Variants in VPS41 observed in about 807,000 individuals in gnomAD.
The protein encoded by VPS41 is vacuolar protein sorting-associated protein 41 homolog.
A neutral mutation model predicts 130.9 loss-of-function variants in VPS41; 85 were observed. The ratio of observed to expected loss-of-function variants is 0.65; its 90% confidence interval spans 0.55 to 0.78. The LOEUF is 0.78. Among genes scored for constraint, VPS41 ranks in the 30% least tolerant of loss-of-function variants. VPS41 has a pLI of 0.00. For synonymous variants in VPS41, 335 were observed against 332.9 expected (o/e 1.01, Z -0.07); for missense variants, 874 against 1,018.7 (o/e 0.86, Z 1.93).
chr7:38,792,512 CAG>C (rs1784553500), intron 9 of VPS41, among the ~76,000 whole-genome samples: 1 of 152,208 alleles, frequency 6.6e-6, no homozygotes, highest in Admixed American at 6.5e-5. Context: ...ACAAATACTG[CAG>C]AGTCTACCAT....
At chr7:38,891,543 A>G (rs1786866411) in intron 2 of VPS41, among the ~76,000 whole-genome samples, 3 of 152,248 alleles carry the variant, frequency 2.0e-5, no homozygotes, top group Admixed American at 2.0e-4. Context: ...TTACACAGTT[A>G]CATACATGGC....
rs1315925737 is a variant in VPS41, at chr7:38,796,374, C to G, written c.570+371G>C. The G allele has an allele frequency of 2.6e-5, 11 of 430,156 alleles. No individual in the cohort carries two copies. The East Asian group carries it at 6.9e-4, about 27-fold the overall frequency. 26.6% of individuals were successfully genotyped at this position (430,156 alleles called of 1,614,324 possible). ...ATTATACTGGGAGTAAAAGAGAAAT[C>G]AGCAATATTCTGCACTTGTTTCATA... On this transcript the variant is annotated intron_variant, in intron 8 of 28. Transcript: ENST00000310301.
At chr7:38,816,837 C>T (rs1293770522) in intron 7 of VPS41, among the ~76,000 whole-genome samples, 1 of 152,168 alleles carries the variant, frequency 6.6e-6, no homozygotes, top group African/African-American at 2.4e-5. Flanking sequence ...CCTCAAACTC[C>T]TAGGTTCAAG....
Position 38,728,715 on chromosome 7 carries a change from T to C in VPS41, c.2336A>G (p.Gln779Arg). 6.2e-7 allele frequency: 1 copy of C among 1,614,208 alleles called. No homozygotes were observed. The highest frequency in any genetic ancestry group is 8.5e-7 in the Non-Finnish European group (1 of 1,180,026). ...ACCATCAACAAGAACACCTTTCATT[T>C]GAGTTCGGTGCATTTTCTTCAGTAA... ...LSLLKKMHRT[Q>R]MKGVLVDEEN... Residue 779 changes from glutamine to arginine, a missense_variant, in exon 26 of 29, where the codon CAA becomes CGA. Transcript: ENST00000310301.
chr7:38,800,138 G>A (rs1784697182), intron 7 of VPS41, among the ~76,000 whole-genome samples: 1 of 152,102 alleles, frequency 6.6e-6, no homozygotes, highest in Non-Finnish European at 1.5e-5. Context: ...GCCAGAAATG[G>A]ACTAACAACT....
chr7:38,843,607 G>A (rs866602813), intron 4 of VPS41, among the ~76,000 whole-genome samples: 36 of 152,124 alleles, frequency 2.4e-4, no homozygotes, highest in African/African-American at 8.4e-4. Flanking sequence ...GCACGAACCC[G>A]GGAGGCGGAG....
rs533790763 is a variant in VPS41 at position 38,893,307 on chromosome 7, A to C, written c.60+4784T>G. Among the ~76,000 whole-genome samples, 8 of 152,322 alleles carry C rather than the reference A, an allele frequency of 5.3e-5. No homozygotes were observed. The East Asian group carries it at 1.3e-3, about 26-fold the overall frequency. ...CATTCCCTCCTTCCCAAAGACTCCC[A>C]GCTTCGCTGCCCAGACTCACCTCCC... is the stretch of plus-strand genomic sequence containing the variant. On this transcript the variant is annotated intron_variant, in intron 2 of 28. Transcript: ENST00000310301.
At chr7:38,874,941 A>T (rs902221421) in intron 2 of VPS41, among the ~76,000 whole-genome samples, 4 of 152,188 alleles carry the variant, frequency 2.6e-5, no homozygotes, top group Non-Finnish European at 4.4e-5. Flanking sequence ...TTTGCATTTT[A>T]AAAAATTCTC....
At chr7:38,903,968 T>C (rs916467968) in intron 1 of VPS41, among the ~76,000 whole-genome samples, 3 of 152,170 alleles carry the variant, frequency 2.0e-5, no homozygotes, top group African/African-American at 7.2e-5. Context: ...CAGTCCCAAA[T>C]CTGCCTTTGC....
intron 3 of VPS41, among the ~76,000 whole-genome samples, chr7:38,863,389 C>T (rs748661560): frequency 6.6e-6 from 1 of 152,110 alleles, no homozygotes; most frequent in African/African-American, 2.4e-5. Context: ...GTCCAAAATT[C>T]TCTGTATTTC....
intron 7 of VPS41, among the ~76,000 whole-genome samples, chr7:38,816,146 T>C (rs1397037915): frequency 3.9e-5 from 6 of 152,176 alleles, no homozygotes; most frequent in Non-Finnish European, 8.8e-5. Flanking sequence ...GCTGCAGACC[T>C]AAGCTAGAGA....
chr7:38,875,273 C>T (rs1331393503), intron 2 of VPS41, among the ~76,000 whole-genome samples: 2 of 152,000 alleles, frequency 1.3e-5, no homozygotes, highest in African/African-American at 2.4e-5. Context: ...ACTAAAAGTA[C>T]ATGAATAATA....
At chr7:38,879,002 G>C (rs1786547095) in intron 2 of VPS41, among the ~76,000 whole-genome samples, 1 of 152,240 alleles carries the variant, frequency 6.6e-6, no homozygotes, top group South Asian at 2.1e-4. Flanking sequence ...GGTCTTATTT[G>C]AAGACAGTAT....
In VPS41 at chr7:38,796,826, C is replaced by A. The variant is rs748964593; in HGVS notation, c.489G>T (p.Lys163Asn). ...CTTCCCCTTCATGCAGAACAGCAGACTTCCATCTGTTCATCCAAGACCGTT... is the reference window on the plus strand; with the variant it reads ...CTTCCCCTTCATGCAGAACAGCAGAATTCCATCTGTTCATCCAAGACCGTT... Reference protein sequence around the residue: ...LFERSWMNRWKSAVLHEGEGN... With the variant: ...LFERSWMNRWNSAVLHEGEGN... Residue 163 changes from lysine to asparagine, a missense_variant, in exon 8 of 29, where the codon AAG (lysine) becomes AAT (asparagine). Coordinates refer to ENST00000310301, the MANE Select transcript of VPS41 (RefSeq NM_014396.4). 6.2e-7 allele frequency: 1 copy of A among 1,614,026 alleles called. No individual in the cohort carries two copies. Among genetic ancestry groups the A allele is most frequent in the East Asian group, 2.2e-5 (1 of 44,876 alleles).
chr7:38,887,653 C>A (rs961379714), intron 2 of VPS41, among the ~76,000 whole-genome samples: 6 of 152,250 alleles, frequency 3.9e-5, no homozygotes, highest in Non-Finnish European at 7.4e-5. Flanking sequence ...GACAGGCCAA[C>A]ATTCACATTC....
chr7:38,824,682 T>C (rs949490590), intron 5 of VPS41, among the ~76,000 whole-genome samples: 2 of 152,166 alleles, frequency 1.3e-5, no homozygotes, highest in African/African-American at 4.8e-5. Context: ...GCCTTAAATA[T>C]GTGCCAAACT....
At chr7:38,751,601 T>C (rs1783673871) in intron 22 of VPS41, among the ~76,000 whole-genome samples, 1 of 152,180 alleles carries the variant, frequency 6.6e-6, no homozygotes. Context: ...GGTACTAGAT[T>C]TACCAAAATG....
At chr7:38,818,881 T>C (rs1254059423) in intron 6 of VPS41, among the ~76,000 whole-genome samples, 1 of 152,198 alleles carries the variant, frequency 6.6e-6, no homozygotes, top group East Asian at 1.9e-4. Context: ...TACAATGGAA[T>C]AGATTCCTCT....
chr7:38,726,347 C>T, intron 28 of VPS41, 21 bp from the exon 29 acceptor site: 1 of 1,578,500 alleles, frequency 6.3e-7, no homozygotes. Flanking sequence ...AATTTAAAAA[C>T]ACATATTTAA....
Sources: gnomAD v4.1 joint callset for allele counts (sites outside exome capture counted in the v4.1 genomes callset) on GRCh38, gnomAD v4.1.1 for gene constraint, MANE v1.5 for transcripts, NCBI Gene and HGNC (gene_info 2026-07-23, HGNC 2026-07-21) for gene names.